The following TRIM37 variants were observed in gnomAD, a reference collection of about 807,000 sequenced individuals.
TRIM37 encodes tripartite motif containing 37, also known as E3 ubiquitin-protein ligase TRIM37.
A neutral mutation model predicts 129.8 loss-of-function variants in TRIM37; 80 were observed. The observed-to-expected ratio is 0.62, with a 90% CI of 0.51 to 0.74. The LOEUF is 0.74. Among genes scored for constraint, TRIM37 ranks in the 30% least tolerant of loss-of-function variants. TRIM37 has a pLI of 0.00. For missense variants in TRIM37, 1,054 were observed against 1,176.5 expected (o/e 0.90, Z 1.52); for synonymous variants, 389 against 387.1 (o/e 1.00, Z -0.06).
chr17:59,064,475 A>G (rs2041769585), intron 9 of TRIM37, 70 bp from the exon 10 acceptor site: 1 of 1,092,388 alleles, frequency 9.2e-7, no homozygotes. Flanking sequence ...AAAAAAGCCA[A>G]GTCCCTCACT....
downstream of TRIM37, among the ~76,000 whole-genome samples, chr17:58,993,634 A>AG (rs1423689276): frequency 6.6e-6 from 1 of 152,170 alleles, no homozygotes; most frequent in African/African-American, 2.4e-5. Context: ...GCTGTGGGGA[A>AG]GGGGGGTGGT....
intron 22 of TRIM37, among the ~76,000 whole-genome samples, chr17:59,007,928 T>C (rs886629142): frequency 6.6e-6 from 1 of 152,234 alleles, no homozygotes; most frequent in African/African-American, 2.4e-5. Context: ...ATGTCTTCTT[T>C]TTGTATTCAG....
chr17:59,069,047 C>G (rs766508419), intron 9 of TRIM37, among the ~76,000 whole-genome samples: 1 of 152,082 alleles, frequency 6.6e-6, no homozygotes, highest in Non-Finnish European at 1.5e-5. Context: ...ATATGATATA[C>G]TCTAGTACAA....
At chr17:59,055,332 CAAAAAAAAA>C (rs34519741) in intron 13 of TRIM37, among the ~76,000 whole-genome samples, 18 of 65,658 alleles carry the variant, frequency 2.7e-4, no homozygotes, top group African/African-American at 3.7e-4. Flanking sequence ...AACTCTGTCT[CAAAAAAAAA>C]AAAAAAAAAA....
intron 8 of TRIM37, among the ~76,000 whole-genome samples, chr17:59,072,889 C>T (rs2042507048): frequency 6.6e-6 from 1 of 152,074 alleles, no homozygotes; most frequent in Non-Finnish European, 1.5e-5. Context: ...AAACAACAAA[C>T]AGCTGCATAT....
intron 2 of TRIM37, 69 bp from the exon 3 acceptor site, chr17:59,091,409 T>A (rs2044291911): frequency 1.7e-5 from 7 of 405,478 alleles, no homozygotes; most frequent in Non-Finnish European, 2.2e-5. Context: ...ACTTAATATT[T>A]TATATTTATA....
At chr17:59,061,358 CA>C (rs2041475085) in intron 11 of TRIM37, among the ~76,000 whole-genome samples, 1 of 151,446 alleles carries the variant, frequency 6.6e-6, no homozygotes, top group Non-Finnish European at 1.5e-5. Flanking sequence ...AGAGTTTTAA[CA>C]TATATAGAAC....
At chr17:59,053,443 A>T (rs1253319983) in intron 13 of TRIM37, among the ~76,000 whole-genome samples, 9 of 152,196 alleles carry the variant, frequency 5.9e-5, no homozygotes, top group Non-Finnish European at 1.2e-4. Context: ...ATAATAAGAG[A>T]GTAGTAAATT....
chr17:59,103,920 C>G (rs1462647057), intron 2 of TRIM37, among the ~76,000 whole-genome samples: 1 of 152,118 alleles, frequency 6.6e-6, no homozygotes, highest in African/African-American at 2.4e-5. Context: ...CACCAACACT[C>G]AAGTTTTAAA....
At chr17:59,061,877 A>G (rs1374169691) in intron 11 of TRIM37, among the ~76,000 whole-genome samples, 5 of 152,082 alleles carry the variant, frequency 3.3e-5, no homozygotes, top group Non-Finnish European at 7.4e-5. Context: ...TTTTTAGTCT[A>G]CTTTGCTTGA....
At chr17:58,987,173 G>A (rs2031895752) in intron 24 of TRIM37, among the ~76,000 whole-genome samples, 1 of 152,202 alleles carries the variant, frequency 6.6e-6, no homozygotes, top group Non-Finnish European at 1.5e-5. Context: ...TGTCAAGAAT[G>A]ATACACATTT....
chr17:59,038,353 T>C (rs773382797), intron 17 of TRIM37, among the ~76,000 whole-genome samples: 7 of 152,212 alleles, frequency 4.6e-5, no homozygotes, highest in Non-Finnish European at 8.8e-5. Flanking sequence ...TAGTGTTGTA[T>C]GTTCCAGGTA....
intron 7 of TRIM37, 25 bp downstream of exon 7, chr17:59,079,729 C>T (rs1348904955): frequency 1.2e-6 from 2 of 1,613,438 alleles, no homozygotes; most frequent in Non-Finnish European, 1.7e-6. Context: ...CACCAGGTAC[C>T]CCAGCAGCAT....
intron 22 of TRIM37, among the ~76,000 whole-genome samples, chr17:59,011,256 T>C (rs1411170647): frequency 6.6e-6 from 1 of 152,220 alleles, no homozygotes; most frequent in Non-Finnish European, 1.5e-5. Flanking sequence ...TCTTTCTTGA[T>C]GTTTTAACAA....
intron 17 of TRIM37, among the ~76,000 whole-genome samples, chr17:59,040,722 T>C (rs1190375520): frequency 6.6e-6 from 1 of 152,138 alleles, no homozygotes; most frequent in East Asian, 1.9e-4. Flanking sequence ...AGGACTAGTA[T>C]TTAAGAAATC....
intron 24 of TRIM37, chr17:58,983,689 G>A (rs1301519335): frequency 1.3e-5 from 2 of 152,572 alleles, no homozygotes; most frequent in African/African-American, 2.4e-5. Context: ...TATGTGTTTT[G>A]TATTTTTATT....
At position 59,049,241 on chromosome 17, in the gene TRIM37, A is replaced by G; in HGVS notation, c.1467T>C (p.Ala489=). Residue 489 remains alanine (A), a synonymous_variant, in exon 15 of 24, where the codon GCT becomes GCC. Transcript: ENST00000262294. ...CATCCTCTTTGGCCTCTCTTACAGA[A>G]GCTGTAGTAGGACCACCTTCGAGAA... ...DMLLEGGPTT[A]SVREAKEDEE... is the part of the protein sequence containing the mutation. 6.2e-7 allele frequency: 1 copy of G among 1,614,112 alleles called. No homozygotes were observed. The highest frequency in any genetic ancestry group is 8.5e-7 in the Non-Finnish European group (1 of 1,180,026).
At chr17:59,077,040 G>A (rs561590666) in intron 7 of TRIM37, among the ~76,000 whole-genome samples, 234 of 152,086 alleles carry the variant, frequency 1.5e-3, no homozygotes, top group African/African-American at 5.4e-3. Flanking sequence ...CACCCGCCTC[G>A]GCCTCCCAAA....
At chr17:59,049,444 A>T (rs767210875) in intron 14 of TRIM37, 51 bp from the exon 15 acceptor site, 2 of 1,494,348 alleles carry the variant, frequency 1.3e-6, no homozygotes, top group East Asian at 2.3e-5. Flanking sequence ...CTGGCACAGT[A>T]AAAGATGTCT....
Sources: gnomAD v4.1 joint callset for allele counts (sites outside exome capture counted in the v4.1 genomes callset) on GRCh38, gnomAD v4.1.1 for gene constraint, MANE v1.5 for transcripts, NCBI Gene and HGNC (gene_info 2026-07-23, HGNC 2026-07-21) for gene names.